Variants in CSMD3 observed in about 807,000 individuals in gnomAD.
CSMD3 encodes CUB and sushi domain-containing protein 3.
A neutral mutation model predicts 435.2 loss-of-function variants in CSMD3; 177 were observed. That is an observed-to-expected ratio of 0.41 (90% CI 0.36 to 0.46). CSMD3 has a LOEUF of 0.46. Among genes scored for constraint, CSMD3 ranks in the 20% least tolerant of loss-of-function variants. CSMD3 has a pLI of 0.34. For synonymous variants in CSMD3, 1,656 were observed against 1,520.5 expected (o/e 1.09, Z -2.07); for missense variants, 4,265 against 4,504.6 (o/e 0.95, Z 1.52).
chr8:112,330,528 G>A (rs1823940416), intron 45 of CSMD3, among the ~76,000 whole-genome samples: 1 of 152,024 alleles, frequency 6.6e-6, no homozygotes, highest in African/African-American at 2.4e-5. Context: ...TATTTTGAGT[G>A]ACATAAGCCA....
intron 13 of CSMD3, among the ~76,000 whole-genome samples, chr8:112,740,340 T>C (rs959008923): frequency 2.0e-5 from 3 of 150,850 alleles, no homozygotes; most frequent in African/African-American, 7.3e-5. Context: ...TAATTTCTTA[T>C]TCATAATATA....
chr8:113,317,042 C>T (rs2093915744), intron 1 of CSMD3, among the ~76,000 whole-genome samples: 2 of 151,970 alleles, frequency 1.3e-5, no homozygotes, highest in Non-Finnish European at 2.9e-5. Context: ...AAGCATAGTT[C>T]TTGTTATCAT....
chr8:112,498,445 A>T (rs1821595546), intron 30 of CSMD3, among the ~76,000 whole-genome samples: 1 of 152,106 alleles, frequency 6.6e-6, no homozygotes, highest in South Asian at 2.1e-4. Flanking sequence ...TTCAGCTGAG[A>T]TAATGGCAAA....
chr8:112,651,435 T>C (rs2075123433), intron 18 of CSMD3, among the ~76,000 whole-genome samples: 1 of 152,172 alleles, frequency 6.6e-6, no homozygotes. Flanking sequence ...GTTATTTTAA[T>C]GAGAAACTAA....
intron 25 of CSMD3, among the ~76,000 whole-genome samples, chr8:112,554,822 G>C (rs1240915618): frequency 1.3e-5 from 2 of 152,026 alleles, no homozygotes; most frequent in East Asian, 3.9e-4. Context: ...CAATGAATAA[G>C]ATTCAGAAAT....
At chr8:112,748,768 C>G (rs2077498608) in intron 13 of CSMD3, among the ~76,000 whole-genome samples, 1 of 152,058 alleles carries the variant, frequency 6.6e-6, no homozygotes, top group South Asian at 2.1e-4. Context: ...GATTCCATGT[C>G]TTTACTATCG....
intron 3 of CSMD3, among the ~76,000 whole-genome samples, chr8:113,186,238 A>G (rs1310940376): frequency 3.3e-5 from 5 of 151,962 alleles, no homozygotes; most frequent in Admixed American, 6.6e-5. Context: ...TTTTAATAAG[A>G]TAGGTTTCTA....
At chr8:112,412,828 G>C in intron 32 of CSMD3, among the ~76,000 whole-genome samples, 1 of 152,052 alleles carries the variant, frequency 6.6e-6, no homozygotes, top group African/African-American at 2.4e-5. Context: ...GTACAGATAG[G>C]GTCCCTGCTC....
chr8:113,379,122 TC>T (rs2094403581), intron 1 of CSMD3, among the ~76,000 whole-genome samples: 1 of 152,112 alleles, frequency 6.6e-6, no homozygotes, highest in Non-Finnish European at 1.5e-5. Context: ...TGAAAAGGGG[TC>T]TTTTATTTTC....
intron 6 of CSMD3, among the ~76,000 whole-genome samples, chr8:112,997,329 T>A (rs2085691012): frequency 6.6e-6 from 1 of 151,730 alleles, no homozygotes; most frequent in Non-Finnish European, 1.5e-5. Context: ...TATGTATTCT[T>A]GAGCATCTGT....
rs2129761641 is a variant in CSMD3 at position 112,224,844 on chromosome 8, G to T, written c.11051C>A (p.Thr3684Asn). The T allele has an allele frequency of 6.2e-7, 1 of 1,614,004 alleles. No individual in the cohort carries two copies. The highest frequency in any genetic ancestry group is 8.5e-7 in the Non-Finnish European group (1 of 1,179,928). Residue 3684 changes from threonine to asparagine, a missense_variant, in exon 71 of 71, where the codon ACC (threonine) becomes AAC (asparagine). By Grantham distance (65) the Thr-to-Asn change is moderately conservative. Coordinates refer to ENST00000297405, the MANE Select transcript of CSMD3 (RefSeq NM_198123.2). ...CTTCCCTTCCACTGACTTTGCGTTGGTGTCATACATGGGATTTTCAAAAGC... is the reference window on the plus strand; with the variant it reads ...CTTCCCTTCCACTGACTTTGCGTTGTTGTCATACATGGGATTTTCAAAAGC... ...QAAFENPMYDTNAKSVEGKAV... is the reference protein window; with the variant it reads ...QAAFENPMYDNNAKSVEGKAV...
intron 59 of CSMD3, among the ~76,000 whole-genome samples, chr8:112,272,627 T>C (rs1817630970): frequency 6.6e-6 from 1 of 152,146 alleles, no homozygotes; most frequent in South Asian, 2.1e-4. Flanking sequence ...TCTAAATACG[T>C]GATGCCTGAG....
At chr8:112,873,532 C>G (rs974991411) in intron 10 of CSMD3, among the ~76,000 whole-genome samples, 1 of 151,916 alleles carries the variant, frequency 6.6e-6, no homozygotes. Context: ...ATCTGCTTAC[C>G]TCTGAGCTCC....
At chr8:112,477,719 C>T (rs1367583714) in intron 31 of CSMD3, among the ~76,000 whole-genome samples, 2 of 152,142 alleles carry the variant, frequency 1.3e-5, no homozygotes, top group African/African-American at 2.4e-5. Flanking sequence ...ATGGTGAAGC[C>T]ATGCTTCTTG....
At chr8:112,527,281 T>A (rs1825073965) in intron 27 of CSMD3, among the ~76,000 whole-genome samples, 1 of 151,612 alleles carries the variant, frequency 6.6e-6, no homozygotes, top group Non-Finnish European at 1.5e-5. Flanking sequence ...TCATATGATA[T>A]ATATATAGAA....
At chr8:112,295,772 C>G in intron 54 of CSMD3, 61 bp downstream of exon 54, 1 of 1,463,188 alleles carries the variant, frequency 6.8e-7, no homozygotes, top group Non-Finnish European at 9.5e-7. Context: ...TCTTGCCTAA[C>G]AAAAACTAGA....
intron 6 of CSMD3, among the ~76,000 whole-genome samples, chr8:112,985,346 T>A (rs1218665109): frequency 6.6e-6 from 1 of 151,980 alleles, no homozygotes; most frequent in African/African-American, 2.4e-5. Flanking sequence ...TTATTTGGCA[T>A]GGCAGGAATG....
At chr8:113,389,365 T>C (rs1228974679) in intron 1 of CSMD3, among the ~76,000 whole-genome samples, 5 of 151,522 alleles carry the variant, frequency 3.3e-5, no homozygotes, top group African/African-American at 9.7e-5. Flanking sequence ...ACAAAAAACT[T>C]GGGCCCTCAG....
intron 9 of CSMD3, among the ~76,000 whole-genome samples, chr8:112,945,223 T>G (rs982438109): frequency 5.3e-5 from 8 of 151,758 alleles, no homozygotes; most frequent in African/African-American, 1.9e-4. Flanking sequence ...TATTAAGGCT[T>G]TTATCTTCAA....
Sources: allele counts gnomAD v4.1 joint callset (sites outside exome capture counted in the v4.1 genomes callset), GRCh38; gene constraint gnomAD v4.1.1; transcripts MANE v1.5; gene names NCBI Gene and HGNC (gene_info 2026-07-23, HGNC 2026-07-21).